GNG7: variants seen among roughly 807,000 people sequenced by gnomAD.
GNG7 encodes the protein guanine nucleotide-binding protein G(I)/G(S)/G(O) subunit gamma-7.
In GNG7, 1 loss-of-function variant was observed where a neutral mutation model predicts 4.0. The observed-to-expected ratio is 0.25, with a 90% CI of 0.09 to 1.18. The LOEUF is 1.18. GNG7 is among the 50% of genes most tolerant of loss of function. The probability of loss-of-function intolerance (pLI) is 0.50; values close to 1 mark genes in which losing one functional copy is unlikely to be tolerated. For synonymous variants in GNG7, 34 were observed against 36.9 expected, an observed-to-expected ratio of 0.92 and a Z score of 0.29; for missense variants, 86 against 91.9, an observed-to-expected ratio of 0.94 and a Z score of 0.26.
intron 2 of GNG7, among the ~76,000 whole-genome samples, chr19:2,562,588 C>T (rs1180776139): frequency 6.6e-6 from 1 of 152,224 alleles, no homozygotes; most frequent in African/African-American, 2.4e-5. Flanking sequence ...GGGGTGGGGC[C>T]ATCCTGGGCA....
chr19:2,682,732 C>T (rs993857931), intron 1 of GNG7, among the ~76,000 whole-genome samples: 8 of 151,362 alleles, frequency 5.3e-5, no homozygotes, highest in African/African-American at 9.7e-5. Flanking sequence ...CCACCCCATC[C>T]GGTGAAGTCT....
At chr19:2,604,384 A>G (rs1981309475) in intron 2 of GNG7, among the ~76,000 whole-genome samples, 1 of 150,864 alleles carries the variant, frequency 6.6e-6, no homozygotes. Flanking sequence ...AAGCAGGAGG[A>G]TGGCTTGAAC....
At chr19:2,548,184 A>G (rs1489191651) in intron 3 of GNG7, among the ~76,000 whole-genome samples, 2 of 101,250 alleles carry the variant, frequency 2.0e-5, no homozygotes, top group Non-Finnish European at 4.3e-5. Flanking sequence ...GAAAACAAAA[A>G]TCAAAAAACA....
chr19:2,612,911 C>T (rs1187427226), intron 2 of GNG7, among the ~76,000 whole-genome samples: 2 of 151,876 alleles, frequency 1.3e-5, no homozygotes, highest in Admixed American at 6.6e-5. Flanking sequence ...AGGATGGTCT[C>T]GAACTCCTGA....
intron 2 of GNG7, among the ~76,000 whole-genome samples, chr19:2,629,592 G>A (rs1982105375): frequency 6.6e-6 from 1 of 152,220 alleles, no homozygotes; most frequent in Admixed American, 6.5e-5. Flanking sequence ...TAAAGAGGTA[G>A]TGGACAAGAC....
At chr19:2,574,953 T>C (rs1284874324) in intron 2 of GNG7, among the ~76,000 whole-genome samples, 1 of 152,180 alleles carries the variant, frequency 6.6e-6, no homozygotes, top group Non-Finnish European at 1.5e-5. Flanking sequence ...GCAGGCCCTG[T>C]GAAAGGCTAT....
At chr19:2,575,764 G>T (rs1980305817) in intron 2 of GNG7, among the ~76,000 whole-genome samples, 1 of 93,516 alleles carries the variant, frequency 1.1e-5, no homozygotes, top group Non-Finnish European at 2.0e-5. Context: ...CAGACACGCA[G>T]GCACACGCAG....
chr19:2,515,093 C>T lies in GNG7; in HGVS notation c.136G>A (p.Asp46Asn), dbSNP rs543545249. 3.7e-6 allele frequency: 6 copies of T among 1,613,934 alleles called. No individual in the cohort carries two copies. Among genetic ancestry groups the T allele is most frequent in the Non-Finnish European group, 4.2e-6 (5 of 1,179,924 alleles). The change falls in exon 5 of 5, where the codon GAC becomes AAC. Residue 46 changes from aspartate (D) to asparagine (N), a missense_variant. Transcript: ENST00000382159. Reference sequence around the variant, plus strand: ...GCAGGGACTCCGACCAGCAGGGGGTCGTTCCGGGCATGTTGCTCACAGTAG... The same window carrying T: ...GCAGGGACTCCGACCAGCAGGGGGTTGTTCCGGGCATGTTGCTCACAGTAG... Reference protein sequence around the residue: ...MSYCEQHARNDPLLVGVPASE... With the variant: ...MSYCEQHARNNPLLVGVPASE...
chr19:2,636,216 G>C (rs140610928), intron 2 of GNG7, among the ~76,000 whole-genome samples: 21 of 152,024 alleles, frequency 1.4e-4, no homozygotes, highest in Admixed American at 5.2e-4. Context: ...TCCCACTCAG[G>C]GGGTGGATGG....
chr19:2,560,163 G>C (rs1979697302), intron 2 of GNG7, among the ~76,000 whole-genome samples: 2 of 152,122 alleles, frequency 1.3e-5, no homozygotes, highest in Admixed American at 1.3e-4. Flanking sequence ...AAGTACCCCA[G>C]GCATTGATTT....
intron 1 of GNG7, among the ~76,000 whole-genome samples, chr19:2,697,690 C>T (rs1250120521): frequency 2.0e-5 from 3 of 152,182 alleles, no homozygotes; most frequent in Non-Finnish European, 2.9e-5. Flanking sequence ...CGCGGTGGCT[C>T]ACGCCTGTCA....
intron 2 of GNG7, among the ~76,000 whole-genome samples, chr19:2,562,449 CCTT>C: frequency 6.6e-6 from 1 of 151,518 alleles, no homozygotes; most frequent in African/African-American, 2.4e-5. Flanking sequence ...GCGCCCCGCT[CCTT>C]TTCCTTTTCT....
At chr19:2,520,025 C>CA (rs1336830274) in intron 4 of GNG7, among the ~76,000 whole-genome samples, 4 of 152,098 alleles carry the variant, frequency 2.6e-5, no homozygotes, top group African/African-American at 7.2e-5. Context: ...ACTAAAAATA[C>CA]AAAAAATTAG....
At chr19:2,540,219 C>T (rs1301144622) in intron 3 of GNG7, among the ~76,000 whole-genome samples, 1 of 151,792 alleles carries the variant, frequency 6.6e-6, no homozygotes, top group East Asian at 1.9e-4. Flanking sequence ...AGTGTGATCC[C>T]ACCTCACTGA....
chr19:2,620,392 A>G (rs931651513), intron 2 of GNG7, among the ~76,000 whole-genome samples: 2 of 151,628 alleles, frequency 1.3e-5, no homozygotes, highest in East Asian at 3.9e-4. Flanking sequence ...TGATCCCCCA[A>G]CCCACACACC....
chr19:2,660,244 C>G (rs929309655), intron 1 of GNG7, among the ~76,000 whole-genome samples: 10 of 152,194 alleles, frequency 6.6e-5, no homozygotes, highest in Non-Finnish European at 1.5e-4. Context: ...GGAGATAACA[C>G]ATCTTCATCC....
chr19:2,671,445 G>T (rs1194946830), intron 1 of GNG7, among the ~76,000 whole-genome samples: 2 of 152,160 alleles, frequency 1.3e-5, no homozygotes, highest in Admixed American at 1.3e-4. Flanking sequence ...AGGTGACGTT[G>T]TCCGGCCTGC....
At chr19:2,561,714 T>A (rs1386741838) in intron 2 of GNG7, among the ~76,000 whole-genome samples, 5 of 136,784 alleles carry the variant, frequency 3.7e-5, no homozygotes, top group Non-Finnish European at 3.1e-5. Context: ...CCGTCTCTAC[T>A]AAAAAAAAAA....
intron 2 of GNG7, among the ~76,000 whole-genome samples, chr19:2,561,842 T>C (rs62123662): frequency 2.6e-5 from 4 of 151,644 alleles, no homozygotes; most frequent in East Asian, 3.9e-4. Flanking sequence ...GATTGCACCA[T>C]TGCACTCCAG....
Sources: gnomAD v4.1 joint callset for allele counts (sites outside exome capture counted in the v4.1 genomes callset) on GRCh38, gnomAD v4.1.1 for gene constraint, MANE v1.5 for transcripts, NCBI Gene and HGNC (gene_info 2026-07-23, HGNC 2026-07-21) for gene names.